Variants in IL1RAPL1 observed in about 807,000 individuals in gnomAD.
IL1RAPL1 encodes the protein interleukin 1 receptor accessory protein like 1.
Under a neutral mutation model 48.4 loss-of-function variants are expected in IL1RAPL1, and 3 were observed. The ratio of observed to expected loss-of-function variants is 0.06; its 90% CI spans 0.03 to 0.16. IL1RAPL1 has a LOEUF of 0.16. IL1RAPL1 is among the 10% of genes least tolerant of loss of function. IL1RAPL1 has a pLI of 1.00. For missense variants in IL1RAPL1, 349 were observed against 530.6 expected, an observed-to-expected ratio of 0.66 and a Z score of 3.36; for synonymous variants, 185 against 187.7, an observed-to-expected ratio of 0.99 and a Z score of 0.12.
chrX:29,217,808 C>CACACAG (rs1305235773), intron 2 of IL1RAPL1, among the ~76,000 whole-genome samples: 6 of 109,278 alleles, frequency 5.5e-5, no homozygotes, highest in Non-Finnish European at 1.1e-4. Context: ...CACACACACA[C>CACACAG]ACACACACAC....
At chrX:29,172,618 A>G (rs1168205559) in intron 2 of IL1RAPL1, among the ~76,000 whole-genome samples, 1 of 111,697 alleles carries the variant, frequency 9.0e-6, no homozygotes, top group Non-Finnish European at 1.9e-5. Flanking sequence ...GGTGATTCTA[A>G]TGCATTCTGA....
chrX:29,737,691 A>C (rs968521743), intron 6 of IL1RAPL1, among the ~76,000 whole-genome samples: 2 of 112,480 alleles, frequency 1.8e-5, no homozygotes, highest in African/African-American at 6.4e-5. Context: ...GAAGTATCTC[A>C]GAAACATATT....
Position 29,382,665 on chromosome X carries a change from C to T in IL1RAPL1, c.363-13593C>T, listed in dbSNP as rs10127231. 6.7e-3 allele frequency among the ~76,000 whole-genome samples: 746 copies of T among 111,720 alleles called. 4 individuals carry two copies. Among genetic ancestry groups the T allele is most frequent in the African/African-American group, 0.023 (716 of 30,808 alleles). ...GCAGAGTCAGTAACAGATAAGCCCT[C>T]GTTGCTGTTTTATTTATGTATTTGT... On this transcript the variant is annotated intron_variant, in intron 3 of 10. Transcript: ENST00000378993.
intron 3 of IL1RAPL1, among the ~76,000 whole-genome samples, chrX:29,303,309 T>C: frequency 8.9e-6 from 1 of 111,968 alleles, no homozygotes; most frequent in Non-Finnish European, 1.9e-5. Context: ...ATTGTTTTAA[T>C]AAGATTTGGC....
In IL1RAPL1 at chrX:28,789,405, T is replaced by C. The variant is rs1330799870; in HGVS notation, c.62T>C (p.Val21Ala). 3 of 1,204,535 alleles carry C rather than the reference T, an allele frequency of 2.5e-6. No individual in the cohort carries two copies. The highest frequency in any genetic ancestry group is 3.0e-5 in the East Asian group (1 of 33,712). The stretch of plus-strand genomic sequence containing the variant: ...GCTACTTTTACTCAGAGTTTGAAGG[T>C]TGTGACCAAAAGAGGCTCCGGTAAG... The part of the protein sequence containing the change: ...LYATFTQSLK[V>A]VTKRGSADGC... The change falls in exon 2 of 11, where the codon GTT becomes GCT. Residue 21 changes from valine (V) to alanine (A), a missense_variant. By Grantham distance (64) the Val-to-Ala change is moderately conservative. This residue lies in a region of IL1RAPL1 where 238 missense variants were observed against 337.8 expected (regional missense o/e 0.70). Transcript: ENST00000378993.
At chrX:29,648,591 A>G (rs1223414251) in intron 5 of IL1RAPL1, among the ~76,000 whole-genome samples, 1 of 112,280 alleles carries the variant, frequency 8.9e-6, no homozygotes, top group Non-Finnish European at 1.9e-5. Flanking sequence ...TAAGACAAAT[A>G]AAAATGGAAA....
At chrX:29,111,629 G>A (rs1361543824) in intron 2 of IL1RAPL1, among the ~76,000 whole-genome samples, 1 of 111,453 alleles carries the variant, frequency 9.0e-6, no homozygotes, top group African/African-American at 3.3e-5. Flanking sequence ...AGACTGTTGG[G>A]TTATTAGATA....
chrX:29,045,937 CT>C (rs1384403106), intron 2 of IL1RAPL1, among the ~76,000 whole-genome samples: 3 of 43,357 alleles, frequency 6.9e-5, no homozygotes, highest in African/African-American at 4.7e-4. Flanking sequence ...CCTCCTCCTC[CT>C]TCTTCCTCCT....
chrX:29,782,576 G>T (rs1307256148), intron 6 of IL1RAPL1, among the ~76,000 whole-genome samples: 2 of 111,224 alleles, frequency 1.8e-5, no homozygotes, highest in Non-Finnish European at 3.8e-5. Flanking sequence ...AATGGAAGGG[G>T]ATGAAGGCTA....
intron 2 of IL1RAPL1, among the ~76,000 whole-genome samples, chrX:29,176,962 G>T (rs1003720878): frequency 9.0e-6 from 1 of 111,197 alleles, no homozygotes; most frequent in Admixed American, 9.6e-5. Flanking sequence ...GGATATTTTG[G>T]TTATAATGGT....
chrX:29,155,039 C>T (rs1168366483), intron 2 of IL1RAPL1, among the ~76,000 whole-genome samples: 3 of 105,775 alleles, frequency 2.8e-5, no homozygotes, highest in Non-Finnish European at 5.8e-5. Context: ...CAGAGTTTCG[C>T]TCTTGTTGCC....
chrX:29,058,755 G>A (rs764448623), intron 2 of IL1RAPL1, among the ~76,000 whole-genome samples: 1 of 111,589 alleles, frequency 9.0e-6, no homozygotes, highest in Non-Finnish European at 1.9e-5. Flanking sequence ...GAACCAGGCA[G>A]CTTCTCTTCC....
chrX:29,505,402 T>C (rs140926924), intron 5 of IL1RAPL1, among the ~76,000 whole-genome samples: 2,579 of 111,887 alleles, frequency 0.023, 68 homozygotes, highest in African/African-American at 0.08. Context: ...ATCGAAGAAC[T>C]CTCTTTTGCA....
intron 3 of IL1RAPL1, among the ~76,000 whole-genome samples, chrX:29,299,720 A>G (rs961011860): frequency 1.8e-5 from 2 of 112,373 alleles, no homozygotes; most frequent in African/African-American, 6.4e-5. Flanking sequence ...AATCTGATGG[A>G]TCAGCATGCA....
At chrX:28,696,229 C>T (rs890570237) in intron 1 of IL1RAPL1, among the ~76,000 whole-genome samples, 7 of 111,023 alleles carry the variant, frequency 6.3e-5, no homozygotes, top group Non-Finnish European at 1.3e-4. Context: ...TTGCAGTCAC[C>T]CCCAACAATA....
At chrX:28,962,234 A>C (rs1408174754) in intron 2 of IL1RAPL1, among the ~76,000 whole-genome samples, 2 of 112,144 alleles carry the variant, frequency 1.8e-5, no homozygotes, top group Non-Finnish European at 3.8e-5. Context: ...CATTCAAATG[A>C]CTAAGCTTCA....
At chrX:28,801,967 T>C (rs972088544) in intron 2 of IL1RAPL1, among the ~76,000 whole-genome samples, 3 of 112,124 alleles carry the variant, frequency 2.7e-5, no homozygotes, top group Non-Finnish European at 3.8e-5. Context: ...TGACACTTTT[T>C]TCTGTAACTT....
In IL1RAPL1 at chrX:28,836,369, A is replaced by ATATATATATATATATATATAT. The variant is rs1569183037; in HGVS notation, c.82+46944_82+46945insTATATATATATATATATATAT. ...ATATATATATATATATATATGACAG[A>ATATATATATATATATATATAT]GAGAGAGAGAGAGAGAGACAGACAG... is the stretch of plus-strand genomic sequence containing the variant. On this transcript the variant is annotated intron_variant, in intron 2 of 10. Transcript: ENST00000378993. Among the ~76,000 whole-genome samples the ATATATATATATATATATATAT allele has an allele frequency of 9.6e-5, 7 of 73,203 alleles. No individual in the cohort carries two copies. The African/African-American group carries it at 1.3e-3, about 14-fold the overall frequency. 63.6% of individuals were successfully genotyped at this position (73,203 alleles called of 115,157 possible). A position where few individuals can be genotyped will look rare whatever the true frequency, so the allele number is the denominator to read the frequency against.
intron 3 of IL1RAPL1, among the ~76,000 whole-genome samples, chrX:29,366,463 C>G (rs1202979701): frequency 9.4e-6 from 1 of 106,426 alleles, no homozygotes; most frequent in Non-Finnish European, 1.9e-5. Flanking sequence ...AGGGATGATT[C>G]AAATAGCAAA....
Sources: allele counts gnomAD v4.1 joint callset (sites outside exome capture counted in the v4.1 genomes callset), GRCh38; gene constraint gnomAD v4.1.1; regional missense constraint gnomAD v4.1.1; transcripts MANE v1.5; gene names NCBI Gene and HGNC (gene_info 2026-07-23, HGNC 2026-07-21).